Variants in LRRC37A2 observed in about 807,000 individuals in gnomAD.
LRRC37A2 encodes leucine rich repeat containing 37 member A2, also known as leucine-rich repeat-containing protein 37A2.
LRRC37A2 carries 9 observed loss-of-function variants against 68.8 expected under a neutral mutation model. That is an observed-to-expected ratio of 0.13 (90% confidence interval 0.08 to 0.23). LRRC37A2 has a LOEUF of 0.23. LRRC37A2 is among the 10% of genes least tolerant of loss of function. LRRC37A2 has a pLI of 1.00. For synonymous variants in LRRC37A2, 63 were observed against 367.6 expected, an observed-to-expected ratio of 0.17 and a Z score of 9.48; for missense variants, 168 against 950.4, an observed-to-expected ratio of 0.18 and a Z score of 10.82.
chr17:46,828,679 C>T, the LRRC37A2 span, among the ~76,000 whole-genome samples: 2 of 151,824 alleles, frequency 1.3e-5, no homozygotes, highest in African/African-American at 4.8e-5. Flanking sequence ...CTGCCCAGGT[C>T]GGGCACGGTG....
the LRRC37A2 span, among the ~76,000 whole-genome samples, chr17:46,953,877 G>A: frequency 4.1e-3 from 619 of 152,312 alleles, 2 homozygotes; most frequent in African/African-American, 0.014. Flanking sequence ...CCCACTTGTT[G>A]ATGGGGTTGT....
chr17:46,872,701 G>C, the LRRC37A2 span: 1 of 1,613,400 alleles, frequency 6.2e-7, no homozygotes, highest in Non-Finnish European at 8.5e-7. Flanking sequence ...CGGCCTGCTT[G>C]AGTGCCAGTT....
chr17:46,862,163 C>CAAAAAA, the LRRC37A2 span, among the ~76,000 whole-genome samples: 16 of 79,584 alleles, frequency 2.0e-4, no homozygotes, highest in South Asian at 1.5e-3. Context: ...AACTCCGTCT[C>CAAAAAA]AAAAAAAAAA....
At chr17:46,780,875 G>C in the LRRC37A2 span, among the ~76,000 whole-genome samples, 10 of 152,158 alleles carry the variant, frequency 6.6e-5, 1 homozygote, top group Admixed American at 6.5e-4. Flanking sequence ...GACAACCCAA[G>C]AGTCCTCAGC....
At chr17:46,894,389 C>T in the LRRC37A2 span, among the ~76,000 whole-genome samples, 5 of 152,286 alleles carry the variant, frequency 3.3e-5, no homozygotes, top group East Asian at 9.7e-4. Context: ...TTTGCCAGGC[C>T]TCATAAGATT....
chr17:46,859,815 G>T, the LRRC37A2 span, among the ~76,000 whole-genome samples: 1 of 152,116 alleles, frequency 6.6e-6, no homozygotes, highest in Non-Finnish European at 1.5e-5. Context: ...TGAGTCTGCT[G>T]ATTTGCACAC....
At chr17:46,823,177 TATATA>T in the LRRC37A2 span, among the ~76,000 whole-genome samples, 99 of 130,482 alleles carry the variant, frequency 7.6e-4, 1 homozygote, top group Non-Finnish European at 1.2e-3. Context: ...TATATATTTA[TATATA>T]ATATATTATA....
At chr17:46,901,926 G>T in the LRRC37A2 span, among the ~76,000 whole-genome samples, 1 of 151,256 alleles carries the variant, frequency 6.6e-6, no homozygotes, top group Non-Finnish European at 1.5e-5. Context: ...CCCTGCCTCA[G>T]CCTACCGAGT....
chr17:46,380,859 G>A, the LRRC37A2 span, among the ~76,000 whole-genome samples: 2 of 9,474 alleles, frequency 2.1e-4, 1 homozygote, highest in African/African-American at 2.3e-4. Flanking sequence ...GGGAGGCCGA[G>A]GCGGGCGGAT....
At chr17:46,941,476 G>A in the LRRC37A2 span, 4 of 973,486 alleles carry the variant, frequency 4.1e-6, no homozygotes, top group South Asian at 4.8e-5. Flanking sequence ...GGCTGGGCTG[G>A]CTGCTTCAGA....
the LRRC37A2 span, among the ~76,000 whole-genome samples, chr17:46,946,202 G>A: frequency 3.3e-5 from 5 of 150,508 alleles, no homozygotes; most frequent in African/African-American, 7.4e-5. Context: ...TTGGGAGGCC[G>A]AGGTGGGCAG....
chr17:46,850,107 C>T, the LRRC37A2 span, among the ~76,000 whole-genome samples: 4 of 152,240 alleles, frequency 2.6e-5, no homozygotes, highest in African/African-American at 9.6e-5. Flanking sequence ...ACCTCGGCCT[C>T]CCAAAGTGCT....
At chr17:46,711,529 G>C in the LRRC37A2 span, among the ~76,000 whole-genome samples, 4 of 152,190 alleles carry the variant, frequency 2.6e-5, no homozygotes, top group African/African-American at 7.2e-5. Context: ...CCTGACTACG[G>C]TGTATGTGTG....
At chr17:46,946,868 T>A in the LRRC37A2 span, among the ~76,000 whole-genome samples, 58 of 152,124 alleles carry the variant, frequency 3.8e-4, no homozygotes, top group Admixed American at 7.2e-4. Context: ...GTTTCAATTT[T>A]AAAAAAACAA....
the LRRC37A2 span, chr17:46,932,074 G>T: frequency 6.2e-7 from 1 of 1,613,760 alleles, no homozygotes; most frequent in South Asian, 1.1e-5. Flanking sequence ...CAGTCGGGTT[G>T]ACCAGTTAAA....
At chr17:46,718,180 G>C in the LRRC37A2 span, among the ~76,000 whole-genome samples, 1 of 152,206 alleles carries the variant, frequency 6.6e-6, no homozygotes, top group Non-Finnish European at 1.5e-5. Flanking sequence ...GAACCTTGGT[G>C]TTTGCTCTCC....
At chr17:46,994,400 A>T in the LRRC37A2 span, among the ~76,000 whole-genome samples, 8 of 150,226 alleles carry the variant, frequency 5.3e-5, no homozygotes, top group Non-Finnish European at 1.2e-4. Context: ...AAAAAGAAAA[A>T]TGCTGGTGGG....
chr17:46,819,176 G>A, the LRRC37A2 span, among the ~76,000 whole-genome samples: 3 of 152,154 alleles, frequency 2.0e-5, 1 homozygote, highest in South Asian at 6.2e-4. This position sits in a 1 kb window ranked among gnomAD's most constrained non-coding sequence, Gnocchi z 5.3. Context: ...CAGGATCAGA[G>A]GGTGGGGGAA....
chr17:46,913,238 G>A, the LRRC37A2 span, among the ~76,000 whole-genome samples: 1 of 152,266 alleles, frequency 6.6e-6, no homozygotes, highest in Non-Finnish European at 1.5e-5. Context: ...AGGCGAATAA[G>A]TTAATGAAAC....
Sources: allele counts gnomAD v4.1 joint callset (sites outside exome capture counted in the v4.1 genomes callset), GRCh38; gene constraint gnomAD v4.1.1; non-coding constraint Gnocchi (gnomAD v3.1); transcripts MANE v1.5; gene names NCBI Gene and HGNC (gene_info 2026-07-23, HGNC 2026-07-21).